The following WWOX variants were observed in gnomAD, a reference collection of about 807,000 sequenced individuals.
WWOX encodes WW domain containing oxidoreductase, also known as WW domain-containing oxidoreductase.
A neutral mutation model predicts 46.2 loss-of-function variants in WWOX; 69 were observed. The ratio of observed to expected loss-of-function variants is 1.49; its 90% confidence interval spans 1.23 to 1.82. The LOEUF (loss-of-function observed/expected upper bound fraction) is 1.82, where lower values mean the gene tolerates loss of function less well. WWOX is among the 40% of genes most tolerant of loss of function. The probability of loss-of-function intolerance (pLI) is 0.00; values close to 1 mark genes in which losing one functional copy is unlikely to be tolerated. For missense variants in WWOX, 919 were observed against 542.6 expected (o/e 1.69, Z -6.89); for synonymous variants, 359 against 202.6 (o/e 1.77, Z -6.56).
intron 5 of WWOX, among the ~76,000 whole-genome samples, chr16:78,211,851 A>G (rs1199640929): frequency 6.6e-6 from 1 of 152,160 alleles, no homozygotes; most frequent in Non-Finnish European, 1.5e-5. Context: ...GGACCAGAAT[A>G]TGGTGTGGAA....
chr16:79,062,040 T>C (rs1370571677), intron 8 of WWOX, among the ~76,000 whole-genome samples: 1 of 152,142 alleles, frequency 6.6e-6, no homozygotes, highest in Non-Finnish European at 1.5e-5. Flanking sequence ...TGGTTTGTGA[T>C]GCCCTTATCA....
At chr16:79,071,430 A>G (rs2048548958) in intron 8 of WWOX, among the ~76,000 whole-genome samples, 1 of 152,206 alleles carries the variant, frequency 6.6e-6, no homozygotes, top group Admixed American at 6.5e-5. Context: ...CTCATCTCTT[A>G]GAGCCCTGTT....
At chr16:78,892,871 C>T (rs946390292) in intron 8 of WWOX, among the ~76,000 whole-genome samples, 1 of 152,182 alleles carries the variant, frequency 6.6e-6, no homozygotes, top group Admixed American at 6.5e-5. Context: ...ATGTTGGCTT[C>T]ATTCATTGGT....
At chr16:78,379,103 A>G (rs2081896105) in intron 5 of WWOX, among the ~76,000 whole-genome samples, 1 of 152,320 alleles carries the variant, frequency 6.6e-6, no homozygotes, top group Middle Eastern at 3.4e-3. Flanking sequence ...AAAATTATAG[A>G]TGCTTCAGAA....
chr16:78,130,992 G>T (rs2033570394), intron 4 of WWOX, among the ~76,000 whole-genome samples: 1 of 152,198 alleles, frequency 6.6e-6, no homozygotes, highest in African/African-American at 2.4e-5. Flanking sequence ...TTGCTTCCAG[G>T]CTGCAAACTT....
At chr16:78,926,260 C>G (rs956221587) in intron 8 of WWOX, among the ~76,000 whole-genome samples, 10 of 151,930 alleles carry the variant, frequency 6.6e-5, no homozygotes, top group South Asian at 4.1e-4. Context: ...GTGGTTTCAG[C>G]TACCTGGGAG....
intron 8 of WWOX, among the ~76,000 whole-genome samples, chr16:79,095,051 C>G (rs546586412): frequency 6.6e-6 from 1 of 152,270 alleles, no homozygotes; most frequent in East Asian, 1.9e-4. Context: ...CAAATTGAGG[C>G]AAAATAATCC....
chr16:78,469,364 C>G (rs566186765), intron 8 of WWOX, among the ~76,000 whole-genome samples: 2 of 152,286 alleles, frequency 1.3e-5, no homozygotes, highest in South Asian at 4.2e-4. Flanking sequence ...CAAAGGCAGA[C>G]TCTTAAGCTA....
chr16:78,706,221 AG>A (rs2048326373), intron 8 of WWOX, among the ~76,000 whole-genome samples: 1 of 152,156 alleles, frequency 6.6e-6, no homozygotes, highest in Non-Finnish European at 1.5e-5. Context: ...GCATATGTGT[AG>A]CTTTTTAGAT....
At chr16:78,211,215 C>G (rs1372551633) in intron 5 of WWOX, among the ~76,000 whole-genome samples, 1 of 152,140 alleles carries the variant, frequency 6.6e-6, no homozygotes, top group South Asian at 2.1e-4. Flanking sequence ...TCCCACGAGT[C>G]TAGGGTGGGT....
intron 8 of WWOX, among the ~76,000 whole-genome samples, chr16:78,953,457 C>T (rs1245196270): frequency 6.9e-6 from 1 of 143,960 alleles, no homozygotes. Flanking sequence ...TTTAGGACCT[C>T]TGCCCCACTC....
chr16:79,119,677 G>A (rs751872044), intron 8 of WWOX, among the ~76,000 whole-genome samples: 6 of 152,306 alleles, frequency 3.9e-5, no homozygotes, highest in Admixed American at 1.3e-4. Flanking sequence ...CTGTCCAGCC[G>A]GGAGGACAGT....
chr16:79,054,042 A>G (rs538580663), intron 8 of WWOX, among the ~76,000 whole-genome samples: 1 of 152,024 alleles, frequency 6.6e-6, no homozygotes, highest in East Asian at 1.9e-4. Flanking sequence ...AAATTTTATT[A>G]CCTCATTATA....
rs182148824 is a variant in WWOX, at chr16:79,207,462, C to G, written c.1057-4146C>G. Among the ~76,000 whole-genome samples the G allele has an allele frequency of 2.0e-4, 30 of 152,370 alleles. No individual in the cohort carries two copies. The East Asian group carries it at 5.8e-3, about 29-fold the overall frequency. ...TCTTGGTGTTCCAAGCCTAATCTAACTTCCAGGGTTCATTCCTTTCATAAC... is the reference window on the plus strand; with the variant it reads ...TCTTGGTGTTCCAAGCCTAATCTAAGTTCCAGGGTTCATTCCTTTCATAAC... On this transcript the variant is annotated intron_variant, in intron 8 of 8. Coordinates refer to ENST00000566780, the MANE Select transcript of WWOX (RefSeq NM_016373.4).
chr16:79,088,429 C>T (rs987263077), intron 8 of WWOX, among the ~76,000 whole-genome samples: 3 of 152,208 alleles, frequency 2.0e-5, no homozygotes, highest in Admixed American at 1.3e-4. Context: ...AGGTCTGGCC[C>T]TGAGCCGTGG....
chr16:78,515,955 GTCAA>G (rs1386110070), intron 8 of WWOX, among the ~76,000 whole-genome samples: 2 of 152,260 alleles, frequency 1.3e-5, no homozygotes, highest in African/African-American at 2.4e-5. Context: ...CAGTCAATCA[GTCAA>G]TCAATCAGTC....
chr16:78,877,172 A>G (rs1484539933), intron 8 of WWOX, among the ~76,000 whole-genome samples: 3 of 152,156 alleles, frequency 2.0e-5, no homozygotes, highest in Non-Finnish European at 4.4e-5. Context: ...AAACGAGAAA[A>G]GTTATTCCTA....
At chr16:78,406,668 C>T (rs916987201) in intron 6 of WWOX, among the ~76,000 whole-genome samples, 10 of 148,640 alleles carry the variant, frequency 6.7e-5, no homozygotes, top group African/African-American at 1.0e-4. Context: ...ACTCTGTTGC[C>T]GAGGCTGGAG....
chr16:78,669,316 C>G (rs1363942948), intron 8 of WWOX, among the ~76,000 whole-genome samples: 1 of 152,234 alleles, frequency 6.6e-6, no homozygotes, highest in Non-Finnish European at 1.5e-5. Flanking sequence ...TGTCTATAAA[C>G]AAAGTTGCAA....
Sources: allele counts gnomAD v4.1 joint callset (sites outside exome capture counted in the v4.1 genomes callset), GRCh38; gene constraint gnomAD v4.1.1; transcripts MANE v1.5; gene names NCBI Gene and HGNC (gene_info 2026-07-23, HGNC 2026-07-21).